SUFU: variants seen among roughly 807,000 people sequenced by gnomAD.
SUFU encodes SUFU negative regulator of hedgehog signaling, also known as suppressor of fused homolog.
SUFU carries 7 observed loss-of-function variants against 58.9 expected under a neutral mutation model. That is an observed-to-expected ratio of 0.12 (90% CI 0.07 to 0.22). The LOEUF (loss-of-function observed/expected upper bound fraction) is 0.22, where lower values mean the gene tolerates loss of function less well. SUFU is among the 10% of genes least tolerant of loss of function. The probability of loss-of-function intolerance (pLI) is 1.00; values close to 1 mark genes in which losing one functional copy is unlikely to be tolerated. For missense variants in SUFU, 451 were observed against 641.3 expected, an observed-to-expected ratio of 0.70 and a Z score of 3.20; for synonymous variants, 232 against 254.8, an observed-to-expected ratio of 0.91 and a Z score of 0.85.
chr10:102,516,125 CTTTTTTTTTT>C (rs60544094), intron 2 of SUFU, among the ~76,000 whole-genome samples: 1 of 125,586 alleles, frequency 8.0e-6, no homozygotes, highest in Non-Finnish European at 1.7e-5. Context: ...TCTTTCTTTT[CTTTTTTTTTT>C]TTTTTTTTGA....
At position 102,625,614 on chromosome 10, in the gene SUFU, G is replaced by A. The variant is rs1437979704; in HGVS notation, c.1297-1561G>A. Among the ~76,000 whole-genome samples the A allele has an allele frequency of 6.6e-6, 1 of 152,170 alleles. No homozygotes were observed. The stretch of plus-strand genomic sequence containing the variant: ...TAAATTGAGAGTCCAGACATGATCA[G>A]GATATGGTCTTAACCACTCACAAGC... On this transcript the variant is annotated intron_variant, in intron 10 of 11. Transcript: ENST00000369902. This position sits in a 1 kb window ranked among gnomAD's most constrained non-coding sequence, Gnocchi z 4.7.
intron 3 of SUFU, among the ~76,000 whole-genome samples, chr10:102,557,355 G>T (rs941586270): frequency 2.6e-5 from 4 of 152,080 alleles, no homozygotes; most frequent in African/African-American, 9.7e-5. Context: ...AGGCAGTGAG[G>T]CGGGCAGATT....
chr10:102,620,514 G>T (rs573653424), intron 10 of SUFU, among the ~76,000 whole-genome samples: 1 of 152,326 alleles, frequency 6.6e-6, no homozygotes, highest in South Asian at 2.1e-4. Context: ...CCTGCTTTAT[G>T]GAGGATCTGG....
rs117606638 is a variant in SUFU at position 102,522,955 on chromosome 10, C to G, written c.317+13652C>G. On this transcript the variant is annotated intron_variant, in intron 2 of 11. Coordinates refer to ENST00000369902, the MANE Select transcript of SUFU (RefSeq NM_016169.4). ...ACAGTTTCACAGCCTTAGGTTATCA[C>G]CTGGTGCCTCTTTGTCTCCTCTTCA... 8.5e-5 allele frequency among the ~76,000 whole-genome samples: 13 copies of G among 152,276 alleles called. No individual in the cohort carries two copies. The East Asian group carries it at 2.3e-3, about 27-fold the overall frequency.
chr10:102,546,455 T>C (rs1337398158), intron 2 of SUFU, among the ~76,000 whole-genome samples: 1 of 152,232 alleles, frequency 6.6e-6, no homozygotes, highest in South Asian at 2.1e-4. Flanking sequence ...AATGCTTTGC[T>C]CTGACCCAGA....
chr10:102,503,422 A>C (rs531482110), upstream of SUFU, among the ~76,000 whole-genome samples: 2 of 152,250 alleles, frequency 1.3e-5, no homozygotes, highest in Admixed American at 1.3e-4. Flanking sequence ...GTATCTCTTT[A>C]ATTTTCATAA....
intron 6 of SUFU, 51 bp from the exon 7 acceptor site, chr10:102,597,079 TGGTCACCTTG>T (rs1196865874): frequency 7.5e-6 from 12 of 1,602,978 alleles, no homozygotes; most frequent in Non-Finnish European, 1.0e-5. Context: ...GCTGAAAGGG[TGGTCACCTTG>T]GGTCACCAGT....
chr10:102,604,292 C>A (rs2063541871), intron 8 of SUFU, among the ~76,000 whole-genome samples: 1 of 152,262 alleles, frequency 6.6e-6, no homozygotes, highest in Admixed American at 6.5e-5. Context: ...TCACTGTGAT[C>A]CATGTTGTCA....
chr10:102,530,308 TAAG>T (rs1366561397), intron 2 of SUFU, among the ~76,000 whole-genome samples: 2 of 152,088 alleles, frequency 1.3e-5, no homozygotes, highest in East Asian at 3.9e-4. Context: ...ATCGTGAGAC[TAAG>T]AATGTCTGAC....
At chr10:102,551,530 C>T (rs536871942) in intron 3 of SUFU, among the ~76,000 whole-genome samples, 17 of 151,454 alleles carry the variant, frequency 1.1e-4, no homozygotes, top group African/African-American at 3.4e-4. Context: ...CCCAGCTACT[C>T]GGGAGGCTGA....
intron 2 of SUFU, among the ~76,000 whole-genome samples, chr10:102,530,248 T>G (rs974455150): frequency 3.9e-5 from 6 of 152,088 alleles, no homozygotes; most frequent in Non-Finnish European, 8.8e-5. Flanking sequence ...GTTAATAATT[T>G]CATGCAGTTT....
rs544847008 is a variant in SUFU, at chr10:102,629,978, C to A, written c.1366-88C>A. 115 of 1,251,334 alleles carry A rather than the reference C, an allele frequency of 9.2e-5. No individual in the cohort carries two copies. The highest frequency in any genetic ancestry group is 1.2e-4 in the Non-Finnish European group (106 of 849,378). 77.5% of individuals were successfully genotyped at this position (1,251,334 alleles called of 1,614,324 possible). On this transcript the variant is annotated intron_variant, in intron 11 of 11. Coordinates refer to ENST00000369902, the MANE Select transcript of SUFU (RefSeq NM_016169.4). This position sits in a 1 kb window ranked among gnomAD's most constrained non-coding sequence, Gnocchi z 4.7. ...GCGGCCTGTCCTATCCCTAGCTCCC[C>A]GGGGACAGGCCTGGGCAATCTCTGG... is the stretch of plus-strand genomic sequence containing the variant.
rs1170053738 is a variant in SUFU, at chr10:102,524,325, TTTTC to T, written c.317+15026_317+15029del. Among the ~76,000 whole-genome samples, 392 of 106,432 alleles carry T rather than the reference TTTTC, an allele frequency of 3.7e-3. 3 individuals carry two copies. Among genetic ancestry groups the T allele is most frequent in the African/African-American group, 0.014 (374 of 26,626 alleles). The allele number at this position is 106,432 out of a possible 152,430, so 69.8% of individuals were successfully genotyped here. On this transcript the variant is annotated intron_variant, in intron 2 of 11. Coordinates refer to ENST00000369902, the MANE Select transcript of SUFU (RefSeq NM_016169.4). ...CAGCCTAATTTTTCTTTTTCTTTTC[TTTTC>T]TTTTTTTTTTTTTTGAGATGAAGTC...
intron 3 of SUFU, among the ~76,000 whole-genome samples, chr10:102,590,439 A>G (rs1177636619): frequency 1.3e-5 from 2 of 152,102 alleles, no homozygotes; most frequent in African/African-American, 4.8e-5. Flanking sequence ...TGCTGGGATT[A>G]CAGGCATGAG....
rs1040821109 is a variant in SUFU at position 102,626,810 on chromosome 10, A to AT, written c.1297-357dup. The stretch of plus-strand genomic sequence containing the variant: ...CTGACTGGGCAGCAGCTTTAATTTA[A>AT]TTTTTTTTCCTTTTAATTTTTCTTT... On this transcript the variant is annotated intron_variant, in intron 10 of 11. Coordinates refer to ENST00000369902, the MANE Select transcript of SUFU (RefSeq NM_016169.4). Among the ~76,000 whole-genome samples, 8 of 151,690 alleles carry AT rather than the reference A, an allele frequency of 5.3e-5. No homozygotes were observed. The South Asian group carries it at 8.4e-4, about 16-fold the overall frequency.
At chr10:102,522,963 C>T (rs1006388998) in intron 2 of SUFU, among the ~76,000 whole-genome samples, 1 of 152,128 alleles carries the variant, frequency 6.6e-6, no homozygotes, top group African/African-American at 2.4e-5. Flanking sequence ...CACCTGGTGC[C>T]TCTTTGTCTC....
chr10:102,621,712 AGAG>A (rs1407170942), intron 10 of SUFU, among the ~76,000 whole-genome samples: 1 of 152,152 alleles, frequency 6.6e-6, no homozygotes, highest in Non-Finnish European at 1.5e-5. Context: ...TCCTTCCCTG[AGAG>A]GAGGAAAGGG....
chr10:102,512,642 CCT>C (rs1237973223), intron 2 of SUFU, among the ~76,000 whole-genome samples: 1 of 152,066 alleles, frequency 6.6e-6, no homozygotes, highest in African/African-American at 2.4e-5. Context: ...AAGAGTGAAA[CCT>C]CTATTTGGGT....
At chr10:102,561,167 A>C (rs1182599250) in intron 3 of SUFU, among the ~76,000 whole-genome samples, 1 of 152,078 alleles carries the variant, frequency 6.6e-6, no homozygotes, top group Non-Finnish European at 1.5e-5. Context: ...CTTCAGGATA[A>C]ATTCCTTTAA....
Sources: allele counts gnomAD v4.1 joint callset (sites outside exome capture counted in the v4.1 genomes callset), GRCh38; gene constraint gnomAD v4.1.1; non-coding constraint Gnocchi (gnomAD v3.1); transcripts MANE v1.5; gene names NCBI Gene and HGNC (gene_info 2026-07-23, HGNC 2026-07-21).